The following CUX2 variants were observed in gnomAD, a reference collection of about 807,000 sequenced individuals.
CUX2 encodes the protein cut like homeobox 2.
CUX2 carries 40 observed loss-of-function variants against 144.8 expected under a neutral mutation model. The ratio of observed to expected loss-of-function variants is 0.28; its 90% CI spans 0.21 to 0.36. CUX2 has a LOEUF of 0.36. CUX2 is among the 10% of genes least tolerant of loss of function. The pLI is 1.00. For missense variants in CUX2, 1,615 were observed against 1,994.0 expected, an observed-to-expected ratio of 0.81 and a Z score of 3.62; for synonymous variants, 827 against 875.6, an observed-to-expected ratio of 0.94 and a Z score of 0.98.
chr12:111,266,614 C>T (rs1884404899), intron 4 of CUX2, among the ~76,000 whole-genome samples: 1 of 152,134 alleles, frequency 6.6e-6, no homozygotes, highest in South Asian at 2.1e-4. Flanking sequence ...CTGGGAGAGA[C>T]AAGAAGGATC....
At chr12:111,097,517 G>A (rs1462484026) in intron 1 of CUX2, among the ~76,000 whole-genome samples, 1 of 152,200 alleles carries the variant, frequency 6.6e-6, no homozygotes, top group Non-Finnish European at 1.5e-5. Flanking sequence ...AGCAGAGGGA[G>A]CCTAAAATGA....
intron 1 of CUX2, among the ~76,000 whole-genome samples, chr12:111,191,800 C>A (rs570367198): frequency 4.6e-5 from 7 of 152,328 alleles, no homozygotes; most frequent in South Asian, 2.1e-4. Context: ...GGGACCCCCC[C>A]ACTTTGTTCA....
At chr12:111,191,227 G>A (rs970583335) in intron 1 of CUX2, among the ~76,000 whole-genome samples, 4 of 152,136 alleles carry the variant, frequency 2.6e-5, no homozygotes, top group African/African-American at 7.2e-5. Flanking sequence ...GAAGTTTCAC[G>A]GGTAAAGTGC....
chr12:111,123,006 G>A (rs1182445555), intron 1 of CUX2, among the ~76,000 whole-genome samples: 2 of 152,206 alleles, frequency 1.3e-5, no homozygotes, highest in Non-Finnish European at 2.9e-5. Context: ...GGCAGGAAAT[G>A]TTTGATCGCC....
intron 1 of CUX2, among the ~76,000 whole-genome samples, chr12:111,126,049 G>T (rs976959068): frequency 3.4e-5 from 5 of 148,568 alleles, no homozygotes; most frequent in Admixed American, 2.6e-4. Flanking sequence ...TGGCGTGGGG[G>T]GGGCGGATTT....
rs1885585417 is a variant in CUX2, at chr12:111,289,978, C to A, written c.302-1440C>A. 6.6e-6 allele frequency among the ~76,000 whole-genome samples: 1 copy of A among 152,200 alleles called. No individual in the cohort carries two copies. Among genetic ancestry groups the A allele is most frequent in the African/African-American group, 2.4e-5 (1 of 41,470 alleles). ...ATCACTCCAAAGTCAGTCCTCAGAGCAGTCCCACCTTGGTATCCCCGCTTC... is the reference window on the plus strand; with the variant it reads ...ATCACTCCAAAGTCAGTCCTCAGAGAAGTCCCACCTTGGTATCCCCGCTTC... On this transcript the variant is annotated intron_variant, in intron 4 of 21. Coordinates refer to ENST00000261726, the MANE Select transcript of CUX2 (RefSeq NM_015267.4). This position sits in a 1 kb window ranked among gnomAD's most constrained non-coding sequence, Gnocchi z 4.1.
In CUX2 at chr12:111,160,955, T is replaced by G. The variant is rs1232681234; in HGVS notation, c.64-53245T>G. Among the ~76,000 whole-genome samples the G allele has an allele frequency of 2.0e-5, 3 of 152,134 alleles. No homozygotes were observed. Among genetic ancestry groups the G allele is most frequent in the African/African-American group, 7.2e-5 (3 of 41,420 alleles). On this transcript the variant is annotated intron_variant, in intron 1 of 21. Transcript: ENST00000261726. The surrounding 1 kb of genome is among the most constrained non-coding windows in gnomAD (Gnocchi z 4.1). ...TGGGACGTGAGAGTGCAGAGTTCCC[T>G]TTTGGCTATGGGTTTGAAACCTGAG...
At chr12:111,045,249 G>A (rs536969424) in intron 1 of CUX2, among the ~76,000 whole-genome samples, 2 of 150,952 alleles carry the variant, frequency 1.3e-5, no homozygotes, top group Non-Finnish European at 2.9e-5. Context: ...GTTTATAATC[G>A]GGGGGAGACC....
chr12:111,257,932 T>C lies in CUX2; in HGVS notation c.223-5829T>C, dbSNP rs542011619. ...TGAGACAGAAACACACAGCCTTTTATTGAACATGGCCTTTTATGCCAAGCT... is the reference window on the plus strand; with the variant it reads ...TGAGACAGAAACACACAGCCTTTTACTGAACATGGCCTTTTATGCCAAGCT... On this transcript the variant is annotated intron_variant, in intron 3 of 21. Transcript: ENST00000261726. 8.5e-4 allele frequency among the ~76,000 whole-genome samples: 129 copies of C among 152,322 alleles called. 1 individual carries two copies. Among genetic ancestry groups the C allele is most frequent in the African/African-American group, 3.0e-3 (125 of 41,566 alleles).
chr12:111,050,247 C>T (rs898241098), intron 1 of CUX2, among the ~76,000 whole-genome samples: 25 of 151,718 alleles, frequency 1.6e-4, no homozygotes, highest in Admixed American at 1.4e-3. Flanking sequence ...TCTTTTCAGA[C>T]CCATCCTCCT....
Position 111,312,186 on chromosome 12 carries a change from G to A in CUX2, c.1987G>A (p.Glu663Lys), listed in dbSNP as rs374696777. 5 of 1,608,832 alleles carry A rather than the reference G, an allele frequency of 3.1e-6. No homozygotes were observed. The highest frequency in any genetic ancestry group is 4.2e-6 in the Non-Finnish European group (5 of 1,176,696). The change falls in exon 16 of 22, where the codon GAG becomes AAG. Residue 663 changes from glutamate to lysine, a missense_variant. Glu to Lys is a moderately conservative substitution (Grantham distance 56). Around this residue, in one of 12 missense-constraint regions of CUX2, gnomAD observed 390 missense variants for 387.1 expected, o/e 1.01. Coordinates refer to ENST00000261726, the MANE Select transcript of CUX2 (RefSeq NM_015267.4). The surrounding 1 kb of genome is among the most constrained non-coding windows in gnomAD (Gnocchi z 4.3). ...SILEQAKKEI[E>K]SQKGGEPKTS... ...TCTAGAGCAGGCCAAGAAGGAGATC[G>A]AGTCGCAGAAGGGCGGTGAGTGTGA...
chr12:111,109,861 G>A (rs1237205178), intron 1 of CUX2, among the ~76,000 whole-genome samples: 3 of 152,028 alleles, frequency 2.0e-5, no homozygotes, highest in African/African-American at 7.2e-5. Context: ...GATCTCCCCC[G>A]ATCTCTAACA....
chr12:111,238,194 A>G (rs1882854340), intron 3 of CUX2, among the ~76,000 whole-genome samples: 2 of 152,224 alleles, frequency 1.3e-5, no homozygotes, highest in Admixed American at 1.3e-4. Flanking sequence ...AACGCTTAGC[A>G]CAGTCTGTAA....
chr12:111,253,638 G>A (rs1883676905), intron 3 of CUX2, among the ~76,000 whole-genome samples: 1 of 152,154 alleles, frequency 6.6e-6, no homozygotes, highest in Non-Finnish European at 1.5e-5. Flanking sequence ...GTTTGCGCCA[G>A]TCTTGCTTGG....
intron 3 of CUX2, among the ~76,000 whole-genome samples, chr12:111,253,467 C>T (rs111245037): frequency 1.3e-5 from 2 of 152,200 alleles, no homozygotes; most frequent in African/African-American, 2.4e-5. Context: ...CTCCCCACGA[C>T]GCCTTCCCCT....
At chr12:111,319,864 A>T (rs1887417988) in intron 16 of CUX2, 148 bp from the exon 17 acceptor site, 1 of 1,228,722 alleles carries the variant, frequency 8.1e-7, no homozygotes, top group Non-Finnish European at 1.1e-6. Context: ...ACAGGGAGGG[A>T]TCATAATTTA....
chr12:111,159,835 G>A (rs1225541996), intron 1 of CUX2, among the ~76,000 whole-genome samples: 2 of 152,168 alleles, frequency 1.3e-5, no homozygotes, highest in African/African-American at 2.4e-5. Context: ...GACCAGCCTG[G>A]CCAACATGGT....
intron 1 of CUX2, among the ~76,000 whole-genome samples, chr12:111,139,972 G>A (rs1460159296): frequency 6.6e-6 from 1 of 152,148 alleles, no homozygotes. Flanking sequence ...CCATCACCTG[G>A]TCTGTGAAAT....
chr12:111,337,886 T>G (rs931394051), intron 19 of CUX2, among the ~76,000 whole-genome samples: 6 of 151,988 alleles, frequency 3.9e-5, no homozygotes, highest in Non-Finnish European at 5.9e-5. Context: ...AATACAAAAA[T>G]TAGCTGGGTG....
Sources: gnomAD v4.1 joint callset for allele counts (sites outside exome capture counted in the v4.1 genomes callset) on GRCh38, gnomAD v4.1.1 for gene constraint, gnomAD v4.1.1 regional missense constraint, Gnocchi (gnomAD v3.1) non-coding constraint, MANE v1.5 for transcripts, NCBI Gene and HGNC (gene_info 2026-07-23, HGNC 2026-07-21) for gene names.